Variants in GTF3C3 observed in about 807,000 individuals in gnomAD.
The protein encoded by GTF3C3 is general transcription factor IIIC subunit 3.
GTF3C3 carries 75 observed loss-of-function variants against 105.2 expected under a neutral mutation model. The ratio of observed to expected loss-of-function variants is 0.71; its 90% CI spans 0.59 to 0.86. The LOEUF (loss-of-function observed/expected upper bound fraction) is 0.86. Ranked by LOEUF, GTF3C3 falls within the 40% of genes least tolerant of loss-of-function variation. GTF3C3 has a pLI of 0.00. For synonymous variants in GTF3C3, 335 were observed against 370.4 expected (o/e 0.90, Z 1.10); for missense variants, 856 against 1,076.5 (o/e 0.80, Z 2.87).
At chr2:196,787,176 C>T (rs1323568547) in intron 6 of GTF3C3, among the ~76,000 whole-genome samples, 6 of 151,638 alleles carry the variant, frequency 4.0e-5, no homozygotes, top group African/African-American at 1.5e-4. Context: ...CTGATTACTT[C>T]GTACCAGTTC....
Position 196,776,451 on chromosome 2 carries a change from T to G in GTF3C3, c.1569A>C (p.Ala523=). The G allele has an allele frequency of 1.2e-6, 2 of 1,614,024 alleles. No individual in the cohort carries two copies. The highest frequency in any genetic ancestry group is 1.7e-6 in the Non-Finnish European group (2 of 1,179,970). The part of the protein sequence containing the change: ...LEPMYDPDTL[A]QDANAAQQEL... The stretch of plus-strand genomic sequence containing the variant: ...CCTGCTGTGCAGCATTTGCATCCTG[T>G]GCTAAAGTATCTGGATCATACATTG... The change falls in exon 11 of 18, where the codon GCA becomes GCC. Residue 523 remains alanine, a synonymous_variant. Transcript: ENST00000263956. The surrounding 1 kb of genome is among the most constrained non-coding windows in gnomAD (Gnocchi z 4.5).
At chr2:196,792,591 G>A (rs1699568403) in intron 3 of GTF3C3, among the ~76,000 whole-genome samples, 1 of 152,046 alleles carries the variant, frequency 6.6e-6, no homozygotes. Flanking sequence ...TGGCCCAATT[G>A]GTTTAAATGA....
At chr2:196,771,398 T>C (rs1464759269) in intron 15 of GTF3C3, among the ~76,000 whole-genome samples, 1 of 152,242 alleles carries the variant, frequency 6.6e-6, no homozygotes, top group Non-Finnish European at 1.5e-5. Context: ...GGGAGAATTG[T>C]TGACCGTTAA....
At chr2:196,799,440 C>CT (rs369837902) in intron 1 of GTF3C3, 70 bp downstream of exon 1, 2 of 1,168,210 alleles carry the variant, frequency 1.7e-6, no homozygotes, top group African/African-American at 3.0e-5. Context: ...AAGCGGTCGT[C>CT]TGGGTCCCCC....
In GTF3C3 at chr2:196,776,215, T is replaced by C. The variant is rs1223953710; in HGVS notation, c.1594-104A>G. ...TAAAAAAACAAACCATATTGCTTTA[T>C]GGTCTTTCACAATAATTAAGAGCCA... On this transcript the variant is annotated intron_variant, in intron 11 of 17. Transcript: ENST00000263956. The surrounding 1 kb of genome is among the most constrained non-coding windows in gnomAD (Gnocchi z 4.5). The C allele has an allele frequency of 6.7e-6, 5 of 741,630 alleles. No homozygotes were observed. The highest frequency in any genetic ancestry group is 6.7e-6 in the Non-Finnish European group (3 of 445,732). The allele number at this position is 741,630 out of a possible 1,614,324, so 45.9% of individuals were successfully genotyped here.
chr2:196,785,440 C>A lies in GTF3C3; in HGVS notation c.1041+1G>T. 1.9e-6 allele frequency: 3 copies of A among 1,586,632 alleles called. No individual in the cohort carries two copies. Among genetic ancestry groups the A allele is most frequent in the Non-Finnish European group, 2.6e-6 (3 of 1,164,994 alleles). On this transcript the variant is annotated splice_donor_variant, in intron 7 of 17. Transcript: ENST00000263956. LOFTEE classifies it high-confidence loss of function. ...ACAGAGAAACACATAAGCATTCCTA[C>A]CTCCAAAGCTTTGTCATACTGTTTG...
At chr2:196,772,355 C>T (rs1466882568) in intron 14 of GTF3C3, among the ~76,000 whole-genome samples, 1 of 152,066 alleles carries the variant, frequency 6.6e-6, no homozygotes. Flanking sequence ...TGGAGACCAG[C>T]CTGACCAACA....
At chr2:196,775,034 T>C in intron 13 of GTF3C3, 82 bp downstream of exon 13, 2 of 920,846 alleles carry the variant, frequency 2.2e-6, no homozygotes, top group East Asian at 2.7e-5. Flanking sequence ...TATTTTCAAT[T>C]AGATTGCTGT....
intron 8 of GTF3C3, among the ~76,000 whole-genome samples, chr2:196,781,342 G>GAAAAAAAAAAAA (rs769914255): frequency 2.9e-4 from 9 of 31,446 alleles, no homozygotes; most frequent in African/African-American, 9.6e-4. Flanking sequence ...ATGTTAAGGG[G>GAAAAAAAAAAAA]AAAAAAAAAA....
intron 10 of GTF3C3, among the ~76,000 whole-genome samples, chr2:196,777,321 C>T (rs1699275683): frequency 6.6e-6 from 1 of 152,092 alleles, no homozygotes; most frequent in Admixed American, 6.6e-5. Flanking sequence ...TTTGTGATCC[C>T]CAATAGAAAC....
At chr2:196,764,747 G>GGCAAATTAATAGTTTTATAAGTGTAA in intron 17 of GTF3C3, 62 bp from the exon 18 acceptor site, 2 of 1,428,240 alleles carry the variant, frequency 1.4e-6, no homozygotes, top group Non-Finnish European at 1.9e-6. Context: ...ACAATTTTAT[G>GGCAAATTAATAGTTTTATAAGTGTAA]GCAAATTAAT....
intron 7 of GTF3C3, among the ~76,000 whole-genome samples, chr2:196,785,140 C>A (rs368971445): frequency 6.6e-6 from 1 of 152,200 alleles, no homozygotes; most frequent in Non-Finnish European, 1.5e-5. Flanking sequence ...TTCTTTATAT[C>A]AAACCAACCT....
chr2:196,771,970 A>G (rs1699183484), intron 14 of GTF3C3, 32 bp from the exon 15 acceptor site: 1 of 1,459,378 alleles, frequency 6.9e-7, no homozygotes, highest in East Asian at 2.3e-5. Flanking sequence ...GAGGGAGAAA[A>G]TAATGTAAAA....
intron 13 of GTF3C3, among the ~76,000 whole-genome samples, chr2:196,774,210 A>G (rs1234373215): frequency 6.6e-6 from 1 of 152,208 alleles, no homozygotes; most frequent in African/African-American, 2.4e-5. Context: ...CTGAGAATCT[A>G]TCCTAAACAA....
At chr2:196,781,613 G>T (rs1699364615) in intron 8 of GTF3C3, among the ~76,000 whole-genome samples, 2 of 151,268 alleles carry the variant, frequency 1.3e-5, no homozygotes, top group African/African-American at 4.9e-5. Flanking sequence ...TGGTATGAGG[G>T]GTGTCCTGGA....
intron 6 of GTF3C3, among the ~76,000 whole-genome samples, chr2:196,788,323 T>C (rs1185165484): frequency 6.6e-6 from 1 of 152,218 alleles, no homozygotes; most frequent in Non-Finnish European, 1.5e-5. Flanking sequence ...GAACAAAATA[T>C]CATATGGTAT....
intron 16 of GTF3C3, 38 bp from the exon 17 acceptor site, chr2:196,766,755 A>G (rs753580928): frequency 3.9e-6 from 6 of 1,545,494 alleles, no homozygotes; most frequent in Non-Finnish European, 5.3e-6. Flanking sequence ...TATTTCACTG[A>G]TTTGACAATT....
intron 7 of GTF3C3, among the ~76,000 whole-genome samples, chr2:196,785,216 C>G (rs960340961): frequency 7.2e-6 from 1 of 137,964 alleles, no homozygotes; most frequent in African/African-American, 3.1e-5. Context: ...TCCTACTACC[C>G]TGAAGTACAT....
intron 12 of GTF3C3, among the ~76,000 whole-genome samples, chr2:196,775,626 A>G (rs1051714863): frequency 1.3e-5 from 2 of 152,224 alleles, no homozygotes; most frequent in Admixed American, 6.5e-5. Context: ...ACATTATAAC[A>G]TGCATATACA....
Sources: allele counts gnomAD v4.1 joint callset (sites outside exome capture counted in the v4.1 genomes callset), GRCh38; gene constraint gnomAD v4.1.1; non-coding constraint Gnocchi (gnomAD v3.1); transcripts MANE v1.5; gene names NCBI Gene and HGNC (gene_info 2026-07-23, HGNC 2026-07-21).